The following RICTOR variants were observed in gnomAD, a reference collection of about 807,000 sequenced individuals.
RICTOR encodes the protein RPTOR independent companion of MTOR complex 2, also known as rapamycin-insensitive companion of mTOR.
RICTOR carries 49 observed loss-of-function variants against 214.9 expected under a neutral mutation model. The observed-to-expected ratio is 0.23, with a 90% CI of 0.18 to 0.29. RICTOR has a LOEUF of 0.29. Among genes scored for constraint, RICTOR ranks in the 10% least tolerant of loss-of-function variants. The probability of loss-of-function intolerance (pLI) is 1.00; values close to 1 mark genes in which losing one functional copy is unlikely to be tolerated. For synonymous variants in RICTOR, 717 were observed against 711.3 expected, an observed-to-expected ratio of 1.01 and a Z score of -0.13; for missense variants, 1,625 against 2,047.0, an observed-to-expected ratio of 0.79 and a Z score of 3.98.
intron 2 of RICTOR, among the ~76,000 whole-genome samples, 188 bp from the exon 3 acceptor site, chr5:39,021,324 C>T (rs111773607): frequency 2.0e-5 from 3 of 152,278 alleles, no homozygotes; most frequent in African/African-American, 7.2e-5. Context: ...CATCTCTACT[C>T]CCCTGTACCC....
Position 38,971,871 on chromosome 5 carries a change from A to C in RICTOR, c.972+6T>G. On this transcript the variant is annotated splice_donor_region_variant and intron_variant, in intron 11 of 37. Coordinates refer to ENST00000357387, the MANE Select transcript of RICTOR (RefSeq NM_152756.5). ...GAATGAAACAATCCTAATAACTTTT[A>C]CCTACCCTTATTTCCATATTTGGTA... 1 of 1,190,880 alleles carries C rather than the reference A, an allele frequency of 8.4e-7. No homozygotes were observed. Among genetic ancestry groups the C allele is most frequent in the Non-Finnish European group, 1.2e-6 (1 of 801,556 alleles). The allele number at this position is 1,190,880 out of a possible 1,614,324, so 73.8% of individuals were successfully genotyped here.
At position 39,046,397 on chromosome 5, in the gene RICTOR, G is replaced by T. The variant is rs556614902; in HGVS notation, c.98-25261C>A. On this transcript the variant is annotated intron_variant, in intron 2 of 37. Transcript: ENST00000357387. Reference sequence around the variant, plus strand: ...AAATTAAAAAAAAAAAAAAGAAGAAGAATAAATGCTTTGCCCATTGTTTTC... The same window carrying T: ...AAATTAAAAAAAAAAAAAAGAAGAATAATAAATGCTTTGCCCATTGTTTTC... Among the ~76,000 whole-genome samples the T allele has an allele frequency of 1.1e-3, 155 of 145,776 alleles. 1 individual carries two copies. Among genetic ancestry groups the T allele is most frequent in the Non-Finnish European group, 1.6e-3 (108 of 66,338 alleles).
intron 9 of RICTOR, among the ~76,000 whole-genome samples, chr5:38,977,657 G>A (rs1751354843): frequency 7.5e-6 from 1 of 134,014 alleles, no homozygotes; most frequent in African/African-American, 2.8e-5. Context: ...GTGCAGTGGT[G>A]TGATCTCAGC....
chr5:39,051,034 C>T (rs62359844), intron 2 of RICTOR, among the ~76,000 whole-genome samples: 1 of 115,866 alleles, frequency 8.6e-6, no homozygotes, highest in Admixed American at 9.0e-5. Flanking sequence ...TCTCCCCATA[C>T]ATATATATAC....
chr5:39,036,088 G>A (rs2150159125), intron 2 of RICTOR, among the ~76,000 whole-genome samples: 1 of 152,334 alleles, frequency 6.6e-6, no homozygotes, highest in South Asian at 2.1e-4. Flanking sequence ...TACCCACAAA[G>A]GGAAGCCCAT....
intron 3 of RICTOR, among the ~76,000 whole-genome samples, chr5:39,004,459 A>C (rs890211764): frequency 7.3e-6 from 1 of 136,476 alleles, no homozygotes; most frequent in African/African-American, 2.7e-5. Context: ...TTTATTTCTC[A>C]AACTCTTTTT....
intron 7 of RICTOR, among the ~76,000 whole-genome samples, chr5:38,990,614 T>TATATGATATATATATCTGATATATAC (rs1752565490): frequency 2.0e-5 from 2 of 101,066 alleles, no homozygotes; most frequent in Admixed American, 1.0e-4. Context: ...ATGATATATA[T>TATATGATATATATATCTGATATATAC]ACGATATATG....
intron 2 of RICTOR, among the ~76,000 whole-genome samples, chr5:39,054,804 G>A (rs1490920523): frequency 2.0e-5 from 3 of 152,204 alleles, no homozygotes; most frequent in African/African-American, 7.2e-5. Context: ...GAAAAGAGCT[G>A]TTGTTAAAAT....
chr5:39,021,220 C>T, intron 2 of RICTOR, 84 bp from the exon 3 acceptor site: 1 of 793,708 alleles, frequency 1.3e-6, no homozygotes, highest in Non-Finnish European at 2.3e-6. Flanking sequence ...ATTAAAACTT[C>T]ACAACTTTGG....
intron 2 of RICTOR, among the ~76,000 whole-genome samples, chr5:39,025,550 G>A (rs536901295): frequency 9.9e-5 from 15 of 152,182 alleles, no homozygotes; most frequent in Non-Finnish European, 1.6e-4. Context: ...AATGGAGACC[G>A]AATGGCTTAT....
At chr5:38,945,382 C>T in intron 34 of RICTOR, 109 bp downstream of exon 34, 5 of 724,078 alleles carry the variant, frequency 6.9e-6, no homozygotes, top group Non-Finnish European at 1.2e-5. Flanking sequence ...TGCTGCAGCT[C>T]ACCAGCTGGG....
intron 12 of RICTOR, 60 bp from the exon 13 acceptor site, chr5:38,967,487 G>A: frequency 8.0e-7 from 1 of 1,252,406 alleles, no homozygotes; most frequent in East Asian, 2.3e-5. Flanking sequence ...TTTCAGATAA[G>A]TATAAAACCA....
At chr5:39,015,407 A>G (rs540635108) in intron 3 of RICTOR, among the ~76,000 whole-genome samples, 1 of 152,200 alleles carries the variant, frequency 6.6e-6, no homozygotes, top group East Asian at 1.9e-4. Flanking sequence ...GCATATTTGA[A>G]TAAATTTTAT....
chr5:39,064,293 T>G (rs1758753643), intron 2 of RICTOR, among the ~76,000 whole-genome samples: 2 of 152,226 alleles, frequency 1.3e-5, no homozygotes, highest in Non-Finnish European at 1.5e-5. Flanking sequence ...AACAGTCAAC[T>G]TCAATTATTC....
chr5:39,018,186 A>T (rs983996016), intron 3 of RICTOR, among the ~76,000 whole-genome samples: 3 of 152,120 alleles, frequency 2.0e-5, no homozygotes, highest in African/African-American at 7.2e-5. Context: ...CCACTCATCA[A>T]ACTCAAGAAT....
rs142588815 is a variant in RICTOR at position 39,068,399 on chromosome 5, G to T, written c.97+5712C>A. Among the ~76,000 whole-genome samples the T allele has an allele frequency of 2.1e-3, 315 of 152,320 alleles. 1 individual carries two copies. The highest frequency in any genetic ancestry group is 7.4e-3 in the African/African-American group (307 of 41,558). Reference sequence around the variant, plus strand: ...CTCTCTGAGAAGGACTGTATGTAATGAAGTGAACTATGCAGAGAGGCAGAT... The same window carrying T: ...CTCTCTGAGAAGGACTGTATGTAATTAAGTGAACTATGCAGAGAGGCAGAT... On this transcript the variant is annotated intron_variant, in intron 2 of 37. Transcript: ENST00000357387.
At chr5:38,988,593 G>A (rs1323578837) in intron 7 of RICTOR, among the ~76,000 whole-genome samples, 6 of 151,920 alleles carry the variant, frequency 3.9e-5, no homozygotes, top group Non-Finnish European at 7.4e-5. Context: ...GTCTTTGCAC[G>A]TAAGATGGGT....
intron 11 of RICTOR, chr5:38,971,189 GCTAA>G (rs983824595): frequency 6.6e-6 from 1 of 151,634 alleles, no homozygotes; most frequent in African/African-American, 2.4e-5. Flanking sequence ...CAGGTGCCTG[GCTAA>G]CTTTTTGTAT....
At chr5:39,060,063 T>A (rs1271317518) in intron 2 of RICTOR, among the ~76,000 whole-genome samples, 1 of 152,106 alleles carries the variant, frequency 6.6e-6, no homozygotes, top group African/African-American at 2.4e-5. Flanking sequence ...TTATTAGATG[T>A]TATTTTGTCC....
Sources: gnomAD v4.1 joint callset for allele counts (sites outside exome capture counted in the v4.1 genomes callset) on GRCh38, gnomAD v4.1.1 for gene constraint, MANE v1.5 for transcripts, NCBI Gene and HGNC (gene_info 2026-07-23, HGNC 2026-07-21) for gene names.